The following FHIT variants were observed in gnomAD, a reference collection of about 807,000 sequenced individuals.
FHIT encodes bis(5'-adenosyl)-triphosphatase.
Under a neutral mutation model 17.9 loss-of-function variants are expected in FHIT, and 19 were observed. The ratio of observed to expected loss-of-function variants is 1.06; its 90% CI spans 0.74 to 1.56. The LOEUF is 1.56. Ranked by LOEUF, FHIT falls within the 40% of genes most tolerant of loss-of-function variation. The pLI, the probability that FHIT is intolerant of heterozygous loss-of-function variation, is 0.00. For synonymous variants in FHIT, 81 were observed against 69.7 expected (o/e 1.16, Z -0.81); for missense variants, 248 against 189.2 (o/e 1.31, Z -1.82).
chr3:60,124,001 T>TAGAG (rs1705398141), intron 5 of FHIT, among the ~76,000 whole-genome samples: 7 of 27,952 alleles, frequency 2.5e-4, no homozygotes, highest in Non-Finnish European at 3.4e-4. Flanking sequence ...TATATATATA[T>TAGAG]ATATATATAG....
At chr3:59,978,230 C>G (rs563261085) in intron 7 of FHIT, among the ~76,000 whole-genome samples, 3 of 152,168 alleles carry the variant, frequency 2.0e-5, no homozygotes, top group East Asian at 1.9e-4. Flanking sequence ...ATTCCAAAGC[C>G]TGTATGTTTT....
intron 2 of FHIT, among the ~76,000 whole-genome samples, chr3:61,140,037 A>T (rs937598110): frequency 1.3e-5 from 2 of 151,388 alleles, no homozygotes; most frequent in African/African-American, 4.8e-5. Flanking sequence ...AAAAAAAAAA[A>T]ATAAGAAACA....
chr3:60,225,570 G>A (rs1054936241), intron 5 of FHIT, among the ~76,000 whole-genome samples: 6 of 152,196 alleles, frequency 3.9e-5, no homozygotes, highest in East Asian at 1.9e-4. Context: ...CAGTCTGCAC[G>A]CAGAATGGTG....
At chr3:60,826,152 TGGAAGGAA>T (rs201232384) in intron 3 of FHIT, among the ~76,000 whole-genome samples, 21,817 of 127,818 alleles carry the variant, frequency 0.17, 2,084 homozygotes, top group Middle Eastern at 0.22. Flanking sequence ...GATGAATGGA[TGGAAGGAA>T]GGAAGGAAGG....
intron 2 of FHIT, among the ~76,000 whole-genome samples, chr3:61,158,302 C>G (rs2107081154): frequency 6.6e-6 from 1 of 152,304 alleles, no homozygotes; most frequent in South Asian, 2.1e-4. Flanking sequence ...ACAGAACCAT[C>G]AATACGTCTA....
At chr3:59,948,334 C>A (rs1706931506) in intron 7 of FHIT, among the ~76,000 whole-genome samples, 1 of 130,734 alleles carries the variant, frequency 7.6e-6, no homozygotes, top group Non-Finnish European at 1.6e-5. Flanking sequence ...GAAACCCCGT[C>A]TCCACTAAAA....
intron 5 of FHIT, among the ~76,000 whole-genome samples, chr3:60,106,197 TCTTA>T (rs1704402705): frequency 6.6e-6 from 1 of 152,204 alleles, no homozygotes; most frequent in Admixed American, 6.5e-5. Context: ...GTAACTCTTC[TCTTA>T]CTTAACGATA....
At chr3:60,788,677 T>G (rs1453907771) in intron 4 of FHIT, among the ~76,000 whole-genome samples, 1 of 152,220 alleles carries the variant, frequency 6.6e-6, no homozygotes, top group African/African-American at 2.4e-5. Flanking sequence ...ATTCACAGTA[T>G]AGCCTAAGTG....
chr3:59,811,992 G>A (rs1700423182), intron 8 of FHIT, among the ~76,000 whole-genome samples: 1 of 152,120 alleles, frequency 6.6e-6, no homozygotes, highest in African/African-American at 2.4e-5. Context: ...TCCTACCTAG[G>A]TGGATACACT....
intron 4 of FHIT, among the ~76,000 whole-genome samples, chr3:60,772,696 T>C (rs9825246): frequency 0.18 from 26,671 of 152,118 alleles, 3,669 homozygotes; most frequent in African/African-American, 0.39. Flanking sequence ...GGTACAGACA[T>C]GAACAATTGC....
intron 5 of FHIT, among the ~76,000 whole-genome samples, chr3:60,416,527 T>A (rs912734591): frequency 3.3e-5 from 5 of 152,230 alleles, no homozygotes; most frequent in African/African-American, 1.2e-4. Flanking sequence ...ATACATGAAT[T>A]AGCTTGGCTG....
intron 3 of FHIT, among the ~76,000 whole-genome samples, chr3:60,952,349 C>G (rs893916244): frequency 2.0e-5 from 3 of 152,176 alleles, no homozygotes; most frequent in Non-Finnish European, 1.5e-5. Flanking sequence ...TCAGTGACAA[C>G]TTGGCCTATT....
chr3:61,154,742 T>C (rs2037487403), intron 2 of FHIT, among the ~76,000 whole-genome samples: 1 of 152,194 alleles, frequency 6.6e-6, no homozygotes, highest in East Asian at 1.9e-4. Context: ...GAATCAAAGT[T>C]TATTGACTCT....
At chr3:60,442,759 C>T (rs1434646003) in intron 5 of FHIT, among the ~76,000 whole-genome samples, 1 of 152,052 alleles carries the variant, frequency 6.6e-6, no homozygotes, top group Non-Finnish European at 1.5e-5. Flanking sequence ...AATGCGGGCT[C>T]TTTTTTGGTC....
intron 2 of FHIT, among the ~76,000 whole-genome samples, chr3:61,054,836 T>A (rs919991248): frequency 6.6e-6 from 1 of 152,152 alleles, no homozygotes; most frequent in African/African-American, 2.4e-5. Flanking sequence ...TAGCCAGGAT[T>A]ACTCTTTCAC....
chr3:60,158,244 G>A (rs1046337018), intron 5 of FHIT, among the ~76,000 whole-genome samples: 1 of 151,838 alleles, frequency 6.6e-6, no homozygotes, highest in African/African-American at 2.4e-5. Context: ...CAATGTCACA[G>A]AACATAAACA....
At chr3:59,877,760 C>T (rs914721893) in intron 8 of FHIT, among the ~76,000 whole-genome samples, 1 of 152,218 alleles carries the variant, frequency 6.6e-6, no homozygotes, top group East Asian at 1.9e-4. Context: ...TTTCTTATAT[C>T]TCTCCATATG....
intron 4 of FHIT, among the ~76,000 whole-genome samples, chr3:60,764,913 T>C (rs1699796377): frequency 6.6e-6 from 1 of 152,194 alleles, no homozygotes; most frequent in African/African-American, 2.4e-5. Context: ...CTATTTAGCA[T>C]TGAAACCAGG....
chr3:60,080,759 C>G (rs1703244866), intron 5 of FHIT: 1 of 152,080 alleles, frequency 6.6e-6, no homozygotes, highest in South Asian at 2.1e-4. Flanking sequence ...GAAAATAGCA[C>G]CACAGCTCAG....
Sources: allele counts gnomAD v4.1 joint callset (sites outside exome capture counted in the v4.1 genomes callset), GRCh38; gene constraint gnomAD v4.1.1; transcripts MANE v1.5; gene names NCBI Gene and HGNC (gene_info 2026-07-23, HGNC 2026-07-21).